The following GRID2 variants were observed in gnomAD, a reference collection of about 807,000 sequenced individuals.
GRID2 encodes the protein glutamate ionotropic receptor delta type subunit 2.
Under a neutral mutation model 114.8 loss-of-function variants are expected in GRID2, and 33 were observed. The observed-to-expected ratio is 0.29, with a 90% CI of 0.22 to 0.38. GRID2 has a LOEUF of 0.38. GRID2 is among the 10% of genes least tolerant of loss of function. The probability of loss-of-function intolerance (pLI) is 1.00; values close to 1 mark genes in which losing one functional copy is unlikely to be tolerated. For missense variants in GRID2, 1,184 were observed against 1,257.7 expected (o/e 0.94, Z 0.89); for synonymous variants, 505 against 449.9 (o/e 1.12, Z -1.55).
intron 13 of GRID2, among the ~76,000 whole-genome samples, chr4:93,515,632 T>C (rs1242017496): frequency 6.6e-6 from 1 of 152,144 alleles, no homozygotes; most frequent in Non-Finnish European, 1.5e-5. Context: ...CCATTTGAAT[T>C]CCAAAATCAA....
At chr4:93,296,597 C>T (rs1264897176) in intron 8 of GRID2, among the ~76,000 whole-genome samples, 3 of 152,144 alleles carry the variant, frequency 2.0e-5, no homozygotes, top group African/African-American at 7.2e-5. Context: ...ATGCAAACAT[C>T]CAACAAACAA....
At chr4:92,801,889 C>G (rs944253646) in intron 2 of GRID2, among the ~76,000 whole-genome samples, 4 of 151,784 alleles carry the variant, frequency 2.6e-5, no homozygotes, top group African/African-American at 9.7e-5. Context: ...CGCTATTCCT[C>G]TGTCACACAG....
At chr4:92,408,961 T>C (rs1477954062) in intron 1 of GRID2, among the ~76,000 whole-genome samples, 1 of 152,126 alleles carries the variant, frequency 6.6e-6, no homozygotes, top group African/African-American at 2.4e-5. Context: ...TTTTATTTTA[T>C]TTTCTCTCTT....
intron 13 of GRID2, among the ~76,000 whole-genome samples, chr4:93,594,752 G>A (rs13120805): frequency 0.2 from 29,653 of 150,836 alleles, 3,250 homozygotes; most frequent in Middle Eastern, 0.32. Context: ...ATATAATCTC[G>A]TGGTGCGCCG....
At chr4:92,835,108 G>C (rs1350834473) in intron 2 of GRID2, among the ~76,000 whole-genome samples, 3 of 151,942 alleles carry the variant, frequency 2.0e-5, no homozygotes, top group East Asian at 3.9e-4. Context: ...ATATGGCAGT[G>C]CTCAATGGAA....
rs760326418 is a variant in GRID2 at position 92,304,734 on chromosome 4, C to T, written c.78C>T (p.Ile26=). Residue 26 remains isoleucine (I), a synonymous_variant, in exon 1 of 16, where the codon ATC becomes ATT. Transcript: ENST00000282020. ...RTWDSANADS[I]IHIGAIFDES... ...GGGACTCGGCGAATGCGGATTCGAT[C>T]ATTCACATCGGTAAGAAAGTGTTGG... 6.2e-6 allele frequency: 10 copies of T among 1,608,856 alleles called. No homozygotes were observed. The highest frequency in any genetic ancestry group is 6.8e-6 in the Non-Finnish European group (8 of 1,175,216).
At chr4:92,690,633 A>G (rs1461127509) in intron 2 of GRID2, among the ~76,000 whole-genome samples, 4 of 152,230 alleles carry the variant, frequency 2.6e-5, no homozygotes, top group Non-Finnish European at 5.9e-5. Context: ...TATCCGTGGC[A>G]TGCAATAAAG....
intron 1 of GRID2, among the ~76,000 whole-genome samples, chr4:93,780,848 G>A (rs1734465198): frequency 6.6e-6 from 1 of 152,162 alleles, no homozygotes; most frequent in South Asian, 2.1e-4. Context: ...TAAACTGGTA[G>A]CAATTCATCA....
intron 1 of GRID2, among the ~76,000 whole-genome samples, chr4:93,788,313 G>A (rs554799162): frequency 1.4e-4 from 20 of 144,872 alleles, no homozygotes; most frequent in Middle Eastern, 3.5e-3. Context: ...GCGAGACTCC[G>A]CTCAAAAAAA....
At chr4:92,913,571 CATAA>C (rs1268886704) in intron 2 of GRID2, among the ~76,000 whole-genome samples, 7 of 151,886 alleles carry the variant, frequency 4.6e-5, no homozygotes, top group Non-Finnish European at 1.0e-4. Flanking sequence ...AGCTCATTTT[CATAA>C]ATGTTATTTT....
intron 2 of GRID2, among the ~76,000 whole-genome samples, chr4:92,620,269 A>C (rs918919440): frequency 1.3e-5 from 2 of 151,818 alleles, no homozygotes; most frequent in Non-Finnish European, 2.9e-5. Flanking sequence ...GGGAAAAGAA[A>C]ATAGCTGCCT....
intron 13 of GRID2, among the ~76,000 whole-genome samples, chr4:93,593,168 G>C (rs536063993): frequency 6.6e-6 from 1 of 150,546 alleles, no homozygotes; most frequent in African/African-American, 2.4e-5. Context: ...TTTACATTTT[G>C]GCATGATTTT....
chr4:92,675,593 C>G (rs964035578), intron 2 of GRID2, among the ~76,000 whole-genome samples: 1 of 150,636 alleles, frequency 6.6e-6, no homozygotes, highest in Non-Finnish European at 1.5e-5. Flanking sequence ...CTCTGTCACC[C>G]AGGCTGGAGT....
intron 2 of GRID2, among the ~76,000 whole-genome samples, chr4:92,600,645 G>C (rs1300256578): frequency 6.6e-6 from 1 of 152,100 alleles, no homozygotes; most frequent in African/African-American, 2.4e-5. Context: ...CTTCTGTAGG[G>C]CTGCTGTGGT....
At chr4:93,350,349 C>T (rs796882321) in intron 8 of GRID2, among the ~76,000 whole-genome samples, 17 of 152,160 alleles carry the variant, frequency 1.1e-4, no homozygotes, top group African/African-American at 4.1e-4. Flanking sequence ...TAGAAGATAC[C>T]ATTGCACATG....
chr4:93,073,540 T>C (rs1481822866), intron 2 of GRID2, among the ~76,000 whole-genome samples: 1 of 152,114 alleles, frequency 6.6e-6, no homozygotes, highest in Admixed American at 6.5e-5. Context: ...AAATTATAGG[T>C]GGATTTTTTA....
intron 8 of GRID2, among the ~76,000 whole-genome samples, chr4:93,242,291 T>G (rs1426903987): frequency 6.7e-6 from 1 of 150,312 alleles, no homozygotes; most frequent in South Asian, 2.1e-4. Context: ...GAGAGGTGAC[T>G]AGGGAATATT....
chr4:92,910,221 A>T (rs879238328), intron 2 of GRID2, among the ~76,000 whole-genome samples: 20 of 152,114 alleles, frequency 1.3e-4, no homozygotes, highest in Admixed American at 1.2e-3. Flanking sequence ...AAAATAAAAA[A>T]AAAAAGTAAA....
At chr4:93,753,667 A>G (rs528668109) in intron 14 of GRID2, among the ~76,000 whole-genome samples, 63 of 152,348 alleles carry the variant, frequency 4.1e-4, no homozygotes, top group African/African-American at 1.4e-3. Context: ...TACAAAGGAC[A>G]TGAACTTATC....
Sources: gnomAD v4.1 joint callset for allele counts (sites outside exome capture counted in the v4.1 genomes callset) on GRCh38, gnomAD v4.1.1 for gene constraint, MANE v1.5 for transcripts, NCBI Gene and HGNC (gene_info 2026-07-23, HGNC 2026-07-21) for gene names.